DNM3: variants seen among roughly 807,000 people sequenced by gnomAD.
DNM3 encodes the protein dynamin-3.
Under a neutral mutation model 101.6 loss-of-function variants are expected in DNM3, and 47 were observed. The ratio of observed to expected loss-of-function variants is 0.46; its 90% confidence interval spans 0.37 to 0.59. The LOEUF (loss-of-function observed/expected upper bound fraction) is 0.59. Among genes scored for constraint, DNM3 ranks in the 20% least tolerant of loss-of-function variants. The probability of loss-of-function intolerance (pLI) is 0.00; values close to 1 mark genes in which losing one functional copy is unlikely to be tolerated. For missense variants in DNM3, 849 were observed against 1,085.7 expected (o/e 0.78, Z 3.06); for synonymous variants, 385 against 387.9 (o/e 0.99, Z 0.09).
Position 171,995,416 on chromosome 1 carries a change from TG to T in DNM3, c.589+6269del, listed in dbSNP as rs1210288545. ...CACTGTGCCTAGCTAGAAATCCAGGTGTTTTTTTTTTTGAATATTTACTCCT... is the reference window on the plus strand; with the variant it reads ...CACTGTGCCTAGCTAGAAATCCAGGTTTTTTTTTTTTGAATATTTACTCCT... On this transcript the variant is annotated intron_variant, in intron 4 of 20. Coordinates refer to ENST00000627582, the MANE Select transcript of DNM3 (RefSeq NM_015569.5). Among the ~76,000 whole-genome samples, 2 of 151,056 alleles carry T rather than the reference TG, an allele frequency of 1.3e-5. 1 individual carries two copies.
intron 15 of DNM3, among the ~76,000 whole-genome samples, chr1:172,301,834 G>A (rs978091764): frequency 3.3e-5 from 5 of 152,132 alleles, no homozygotes; most frequent in African/African-American, 1.2e-4. Context: ...TAGAGGGTGG[G>A]AGGGAGAGAA....
chr1:172,099,281 A>C (rs1389030540), intron 13 of DNM3, among the ~76,000 whole-genome samples: 2 of 152,196 alleles, frequency 1.3e-5, no homozygotes, highest in Non-Finnish European at 2.9e-5. Context: ...AATTCAATGA[A>C]GGTCATCAAC....
chr1:172,292,213 A>T (rs545630454), intron 15 of DNM3, among the ~76,000 whole-genome samples: 1 of 152,302 alleles, frequency 6.6e-6, no homozygotes, highest in Non-Finnish European at 1.5e-5. Flanking sequence ...ATTTTTCATT[A>T]TAATAAGCCT....
At chr1:172,062,185 T>A (rs2051286161) in intron 10 of DNM3, among the ~76,000 whole-genome samples, 1 of 152,192 alleles carries the variant, frequency 6.6e-6, no homozygotes, top group Non-Finnish European at 1.5e-5. Flanking sequence ...GAAGTTTTTT[T>A]CCATTTTAAC....
Position 171,912,807 on chromosome 1 carries a change from G to A in DNM3, c.162-8941G>A, listed in dbSNP as rs898155585. Among the ~76,000 whole-genome samples the A allele has an allele frequency of 3.3e-5, 5 of 152,246 alleles. No individual in the cohort carries two copies. In the South Asian group the frequency reaches 1.0e-3, roughly 32 times the overall value. On this transcript the variant is annotated intron_variant, in intron 1 of 20. Transcript: ENST00000627582. ...ACATTGCCATTCCCAGCAAAATTGG[G>A]ATTCTGTTAATAAGAAAGGGAAAAT...
intron 13 of DNM3, among the ~76,000 whole-genome samples, chr1:172,095,654 C>T (rs1237377007): frequency 6.6e-6 from 1 of 152,102 alleles, no homozygotes; most frequent in African/African-American, 2.4e-5. Flanking sequence ...CTGAAACACT[C>T]TGCAGCATCC....
rs903400655 is a variant in DNM3, at chr1:172,002,929, T to C, written c.589+13781T>C. ...ATTTCTAATGCGTTCATTCCTTTTT[T>C]GCCACTGGGGGTCACTGTAAAGACG... On this transcript the variant is annotated intron_variant, in intron 4 of 20. Coordinates refer to ENST00000627582, the MANE Select transcript of DNM3 (RefSeq NM_015569.5). Among the ~76,000 whole-genome samples, 6 of 152,156 alleles carry C rather than the reference T, an allele frequency of 3.9e-5. No individual in the cohort carries two copies. The East Asian group carries it at 1.2e-3, about 30-fold the overall frequency.
chr1:172,078,252 C>T (rs1572408460), intron 11 of DNM3, among the ~76,000 whole-genome samples: 1 of 152,210 alleles, frequency 6.6e-6, no homozygotes, highest in South Asian at 2.1e-4. Context: ...GCCACCACAC[C>T]CAGCTAATTT....
intron 1 of DNM3, among the ~76,000 whole-genome samples, chr1:171,862,216 C>G (rs542779150): frequency 5.9e-5 from 9 of 152,076 alleles, no homozygotes; most frequent in Non-Finnish European, 1.0e-4. Context: ...TTATACGAAA[C>G]AATTCAACTC....
intron 2 of DNM3, among the ~76,000 whole-genome samples, chr1:171,985,112 G>T (rs778308210): frequency 1.3e-5 from 2 of 152,088 alleles, no homozygotes; most frequent in East Asian, 3.9e-4. Flanking sequence ...GGAATGTATC[G>T]ATTAGCAGTG....
chr1:171,972,481 G>A (rs1454005133), intron 2 of DNM3, among the ~76,000 whole-genome samples: 1 of 152,154 alleles, frequency 6.6e-6, no homozygotes, highest in Non-Finnish European at 1.5e-5. Flanking sequence ...GTTTTGATAG[G>A]CATATACTAT....
intron 10 of DNM3, among the ~76,000 whole-genome samples, chr1:172,058,297 C>G (rs370777147): frequency 1.3e-4 from 20 of 151,834 alleles, no homozygotes; most frequent in African/African-American, 1.9e-4. Context: ...GAGACAGAAA[C>G]TCAACAAGGA....
chr1:172,277,230 G>A (rs889007403), intron 15 of DNM3, among the ~76,000 whole-genome samples: 3 of 151,938 alleles, frequency 2.0e-5, no homozygotes, highest in Admixed American at 1.3e-4. Context: ...TAGATTTCTA[G>A]GACTCTAACC....
chr1:172,314,823 CAA>C (rs1406563859), intron 16 of DNM3, among the ~76,000 whole-genome samples: 2 of 152,182 alleles, frequency 1.3e-5, no homozygotes, highest in African/African-American at 4.8e-5. Context: ...CACAGACAAA[CAA>C]AAAGACAGCA....
intron 1 of DNM3, among the ~76,000 whole-genome samples, chr1:171,871,318 T>C (rs2035262303): frequency 1.3e-5 from 2 of 152,200 alleles, no homozygotes; most frequent in South Asian, 4.1e-4. Flanking sequence ...AACAATTCTT[T>C]ATAAAGTTCC....
chr1:171,950,739 A>G (rs2042467453), intron 2 of DNM3, among the ~76,000 whole-genome samples: 1 of 152,166 alleles, frequency 6.6e-6, no homozygotes, highest in African/African-American at 2.4e-5. Context: ...TGGGGTGATG[A>G]AAATGTTCTT....
Position 172,191,695 on chromosome 1 carries a change from G to A in DNM3, c.1659+60407G>A, listed in dbSNP as rs1409026903. On this transcript the variant is annotated intron_variant, in intron 14 of 20. Transcript: ENST00000627582. ...TTTGTGTCCTCTTTTATTTCGTTGAGCAGTGGTTTGTAGTTCTCCTTGAAG... is the reference window on the plus strand; with the variant it reads ...TTTGTGTCCTCTTTTATTTCGTTGAACAGTGGTTTGTAGTTCTCCTTGAAG... 3.3e-5 allele frequency among the ~76,000 whole-genome samples: 5 copies of A among 152,116 alleles called. No homozygotes were observed. The East Asian group carries it at 7.7e-4, about 23-fold the overall frequency.
chr1:172,255,768 A>G (rs980216639), intron 15 of DNM3, among the ~76,000 whole-genome samples: 1 of 152,148 alleles, frequency 6.6e-6, no homozygotes, highest in East Asian at 1.9e-4. Flanking sequence ...CTCCAGTGCA[A>G]TGTTGACCAC....
In DNM3 at chr1:172,033,167, G is replaced by T; in HGVS notation, c.751G>T (p.Ala251Ser). ...AGATGGGAAGAAGGACATAAAGGCA[G>T]CCATGCTGGCAGAGAGGAAGTTTTT... ...DIDGKKDIKA[A>S]MLAERKFFLS... is the part of the protein sequence containing the mutation. The change falls in exon 6 of 21, where the codon GCC becomes TCC. Residue 251 changes from alanine (A) to serine (S), a missense_variant. Coordinates refer to ENST00000627582, the MANE Select transcript of DNM3 (RefSeq NM_015569.5). 1 of 1,611,944 alleles carries T rather than the reference G, an allele frequency of 6.2e-7. No individual in the cohort carries two copies. The highest frequency in any genetic ancestry group is 8.5e-7 in the Non-Finnish European group (1 of 1,179,072).
Sources: allele counts gnomAD v4.1 joint callset (sites outside exome capture counted in the v4.1 genomes callset), GRCh38; gene constraint gnomAD v4.1.1; transcripts MANE v1.5; gene names NCBI Gene and HGNC (gene_info 2026-07-23, HGNC 2026-07-21).